Variants in CNTN5 observed in about 807,000 individuals in gnomAD.
CNTN5 encodes contactin-5.
A neutral mutation model predicts 129.1 loss-of-function variants in CNTN5; 77 were observed. That is an observed-to-expected ratio of 0.60 (90% CI 0.50 to 0.72). The LOEUF (loss-of-function observed/expected upper bound fraction) is 0.72. CNTN5 is among the 30% of genes least tolerant of loss of function. CNTN5 has a pLI of 0.00. For missense variants in CNTN5, 1,478 were observed against 1,328.8 expected (o/e 1.11, Z -1.75); for synonymous variants, 509 against 465.6 (o/e 1.09, Z -1.20).
rs567585851 is a variant in CNTN5, at chr11:99,094,787, C to T, written c.-210+73517C>T. 1.2e-3 allele frequency among the ~76,000 whole-genome samples: 176 copies of T among 151,890 alleles called. 3 individuals carry two copies. The highest frequency in any genetic ancestry group is 3.4e-3 in the Middle Eastern group (1 of 294). On this transcript the variant is annotated intron_variant, in intron 1 of 24. Transcript: ENST00000524871. The stretch of plus-strand genomic sequence containing the variant: ...GTCTCCTGTGGATACTAAAGAGCCC[C>T]CCAGTATTAGCACTTAAAGTTGTGT...
In CNTN5 at chr11:99,709,736, T is replaced by A. The variant is rs576343281; in HGVS notation, c.56-109808T>A. Among the ~76,000 whole-genome samples, 5 of 151,948 alleles carry A rather than the reference T, an allele frequency of 3.3e-5. No individual in the cohort carries two copies. In the South Asian group the frequency reaches 1.0e-3, roughly 31 times the overall value. ...TAATAGAAGTTTGAAAAGGATTCAT[T>A]AAGGTATATAATAAGTTATTTGAGT... On this transcript the variant is annotated intron_variant, in intron 3 of 24. Coordinates refer to ENST00000524871, the MANE Select transcript of CNTN5 (RefSeq NM_014361.4).
intron 2 of CNTN5, among the ~76,000 whole-genome samples, chr11:99,342,379 G>A (rs911225414): frequency 2.6e-5 from 4 of 151,564 alleles, no homozygotes. Context: ...AACAAAGTAG[G>A]ACAATCATTT....
At chr11:99,147,100 A>T (rs1191637357) in intron 1 of CNTN5, among the ~76,000 whole-genome samples, 4 of 152,372 alleles carry the variant, frequency 2.6e-5, no homozygotes, top group African/African-American at 7.2e-5. Flanking sequence ...TTTTAAATAT[A>T]AATTGACATT....
intron 13 of CNTN5, among the ~76,000 whole-genome samples, chr11:100,126,585 G>A (rs372500770): frequency 6.6e-6 from 1 of 152,052 alleles, no homozygotes; most frequent in East Asian, 1.9e-4. Flanking sequence ...TGTTTTATCT[G>A]ATATAAGAAT....
chr11:99,671,880 G>T (rs76936909), intron 3 of CNTN5, among the ~76,000 whole-genome samples: 2 of 152,044 alleles, frequency 1.3e-5, no homozygotes, highest in African/African-American at 4.8e-5. Flanking sequence ...ACCTGTGTGC[G>T]CACGCATACA....
chr11:100,127,651 C>CTTTTTTTTTTTTTT lies in CNTN5; in HGVS notation c.1580+53368_1580+53381dup, dbSNP rs66468227. On this transcript the variant is annotated intron_variant, in intron 13 of 24. Coordinates refer to ENST00000524871, the MANE Select transcript of CNTN5 (RefSeq NM_014361.4). Reference sequence around the variant, plus strand: ...ACAGACTTTCTGACTTTCTTTCTTTCTTTTTTTTTTTTTTTTTTTTTTTTG... The same window carrying CTTTTTTTTTTTTTT: ...ACAGACTTTCTGACTTTCTTTCTTTCTTTTTTTTTTTTTTTTTTTTTTTTTTTTTTTTTTTTTTG... 1.3e-3 allele frequency among the ~76,000 whole-genome samples: 109 copies of CTTTTTTTTTTTTTT among 81,288 alleles called. 3 individuals carry two copies. Among genetic ancestry groups the CTTTTTTTTTTTTTT allele is most frequent in the African/African-American group, 1.6e-3 (32 of 19,984 alleles). The allele number at this position is 81,288 out of a possible 152,430, so 53.3% of individuals were successfully genotyped here. A position where few individuals can be genotyped will look rare whatever the true frequency, so the allele number is the denominator to read the frequency against.
rs531300091 is a variant in CNTN5, at chr11:99,168,167, C to T, written c.-210+146897C>T. On this transcript the variant is annotated intron_variant, in intron 1 of 24. Transcript: ENST00000524871. ...CCATGTTGCCCAGGCAGGTTTCGAA[C>T]TCCTGGGCTCAAGTGATCTGCCTGC... 5.9e-5 allele frequency among the ~76,000 whole-genome samples: 9 copies of T among 152,248 alleles called. No individual in the cohort carries two copies. The South Asian group carries it at 1.5e-3, about 25-fold the overall frequency.
intron 9 of CNTN5, among the ~76,000 whole-genome samples, chr11:100,011,367 G>A (rs760415664): frequency 4.6e-5 from 7 of 151,434 alleles, no homozygotes; most frequent in Non-Finnish European, 8.8e-5. Context: ...AAAGCCAAAC[G>A]CTACAAAACA....
chr11:100,344,958 T>TAA, intron 23 of CNTN5, among the ~76,000 whole-genome samples: 1 of 152,198 alleles, frequency 6.6e-6, no homozygotes, highest in South Asian at 2.1e-4. Context: ...CAGTACATTA[T>TAA]AAAATTTTAA....
At chr11:99,621,707 CTG>C (rs144269304) in intron 3 of CNTN5, among the ~76,000 whole-genome samples, 3,270 of 152,238 alleles carry the variant, frequency 0.021, 125 homozygotes, top group African/African-American at 0.075. Flanking sequence ...AAGATTGCAA[CTG>C]TAACATTTCT....
intron 13 of CNTN5, among the ~76,000 whole-genome samples, chr11:100,173,175 A>G (rs1057442547): frequency 6.6e-6 from 1 of 152,116 alleles, no homozygotes; most frequent in Non-Finnish European, 1.5e-5. Context: ...CCAAATCCTT[A>G]TCAGCATAGC....
intron 1 of CNTN5, among the ~76,000 whole-genome samples, chr11:99,181,878 C>T (rs1468213707): frequency 6.6e-6 from 1 of 152,044 alleles, no homozygotes; most frequent in Non-Finnish European, 1.5e-5. Context: ...TAATTGTTGA[C>T]AAGGTACCAC....
chr11:99,523,952 A>C (rs1203592653), intron 2 of CNTN5, among the ~76,000 whole-genome samples: 2 of 152,192 alleles, frequency 1.3e-5, no homozygotes, highest in Admixed American at 1.3e-4. Flanking sequence ...AATAGCCCAG[A>C]CTACTTCTTC....
intron 1 of CNTN5, among the ~76,000 whole-genome samples, chr11:99,034,891 T>C (rs1292012793): frequency 1.3e-5 from 2 of 150,846 alleles, no homozygotes; most frequent in Admixed American, 6.8e-5. Flanking sequence ...TTTCCTGCTT[T>C]CTCTTGTGGG....
At chr11:99,553,131 T>C (rs1948550029) in intron 2 of CNTN5, among the ~76,000 whole-genome samples, 1 of 152,206 alleles carries the variant, frequency 6.6e-6, no homozygotes, top group Non-Finnish European at 1.5e-5. Flanking sequence ...TCATACATTA[T>C]TCTTTGAATG....
chr11:100,339,227 A>C (rs190901959), intron 21 of CNTN5, among the ~76,000 whole-genome samples: 27 of 152,188 alleles, frequency 1.8e-4, no homozygotes, highest in Admixed American at 7.2e-4. Flanking sequence ...GTGACAGACT[A>C]TCTGGGTACC....
chr11:99,882,319 G>A (rs1948791474), intron 6 of CNTN5, among the ~76,000 whole-genome samples: 1 of 152,128 alleles, frequency 6.6e-6, no homozygotes, highest in South Asian at 2.1e-4. Context: ...TGCATGAAGT[G>A]GGATGAATTT....
At chr11:100,258,036 T>C (rs1950114096) in intron 17 of CNTN5, among the ~76,000 whole-genome samples, 1 of 151,982 alleles carries the variant, frequency 6.6e-6, no homozygotes, top group South Asian at 2.1e-4. Context: ...GCTAAGAACC[T>C]TGAAAAAAGG....
chr11:99,387,588 A>T (rs999004293), intron 2 of CNTN5, among the ~76,000 whole-genome samples: 2 of 152,162 alleles, frequency 1.3e-5, no homozygotes, highest in Non-Finnish European at 2.9e-5. Context: ...ACACCTAGTA[A>T]TCATGAAATG....
Sources: allele counts gnomAD v4.1 joint callset (sites outside exome capture counted in the v4.1 genomes callset), GRCh38; gene constraint gnomAD v4.1.1; transcripts MANE v1.5; gene names NCBI Gene and HGNC (gene_info 2026-07-23, HGNC 2026-07-21).